ZNRF1: variants seen among roughly 807,000 people sequenced by gnomAD.
ZNRF1 encodes zinc and ring finger 1.
In ZNRF1, 3 loss-of-function variants were observed where a neutral mutation model predicts 18.4. The ratio of observed to expected loss-of-function variants is 0.16; its 90% confidence interval spans 0.07 to 0.42. The LOEUF is 0.42. Among genes scored for constraint, ZNRF1 ranks in the 10% least tolerant of loss-of-function variants. The pLI, the probability that ZNRF1 is intolerant of heterozygous loss-of-function variation, is 0.99. For missense variants in ZNRF1, 310 were observed against 329.8 expected (o/e 0.94, Z 0.47); for synonymous variants, 157 against 144.2 (o/e 1.09, Z -0.64).
At chr16:75,090,781 G>GA (rs1048582391) in intron 1 of ZNRF1, among the ~76,000 whole-genome samples, 1 of 152,096 alleles carries the variant, frequency 6.6e-6, no homozygotes, top group South Asian at 2.1e-4. Context: ...CCAATGAAGG[G>GA]AAAAAAAGAG....
intron 1 of ZNRF1, among the ~76,000 whole-genome samples, chr16:75,078,772 A>G (rs1193380975): frequency 1.3e-5 from 2 of 152,202 alleles, no homozygotes; most frequent in African/African-American, 2.4e-5. Context: ...TTTCATAAAC[A>G]TTTGTTTGTG....
At chr16:75,067,498 T>G (rs1208172977) in intron 1 of ZNRF1, among the ~76,000 whole-genome samples, 1 of 152,226 alleles carries the variant, frequency 6.6e-6, no homozygotes, top group Non-Finnish European at 1.5e-5. Flanking sequence ...AGAAATCTTA[T>G]TTTTAAATGC....
chr16:75,065,655 G>T (rs150773649), intron 1 of ZNRF1, among the ~76,000 whole-genome samples: 3 of 152,334 alleles, frequency 2.0e-5, no homozygotes, highest in Admixed American at 6.5e-5. Flanking sequence ...GCATGGGTGT[G>T]TACACTCAGA....
At chr16:75,102,692 C>G (rs2036267686) in intron 2 of ZNRF1, among the ~76,000 whole-genome samples, 1 of 152,204 alleles carries the variant, frequency 6.6e-6, no homozygotes, top group African/African-American at 2.4e-5. Context: ...ACATCCATGC[C>G]TGGCACCCAT....
chr16:75,086,053 C>G (rs1345192962), intron 1 of ZNRF1, among the ~76,000 whole-genome samples: 1 of 152,086 alleles, frequency 6.6e-6, no homozygotes, highest in Middle Eastern at 3.4e-3. Flanking sequence ...GTTAGGCAGA[C>G]AGAGAGTGAA....
intron 1 of ZNRF1, among the ~76,000 whole-genome samples, chr16:75,016,506 C>T (rs1281786077): frequency 6.6e-6 from 1 of 151,948 alleles, no homozygotes; most frequent in Non-Finnish European, 1.5e-5. Flanking sequence ...TTCCAAAGTG[C>T]TGGGATTACA....
intron 1 of ZNRF1, among the ~76,000 whole-genome samples, chr16:75,055,143 C>G (rs977720487): frequency 1.3e-5 from 2 of 152,206 alleles, no homozygotes; most frequent in African/African-American, 2.4e-5. Flanking sequence ...TGCATTGATG[C>G]AGGGAGTGAA....
In ZNRF1 at chr16:75,067,017, A is replaced by G. The variant is rs183702325; in HGVS notation, c.425-26555A>G. The stretch of plus-strand genomic sequence containing the variant: ...AAGCCTCTCTTGAGGTTGCAGTCAG[A>G]TGGTGGCTGTGGCTGCGACCATCTC... On this transcript the variant is annotated intron_variant, in intron 1 of 4. Transcript: ENST00000335325. 3.9e-5 allele frequency among the ~76,000 whole-genome samples: 6 copies of G among 152,258 alleles called. No individual in the cohort carries two copies. The East Asian group carries it at 9.6e-4, about 24-fold the overall frequency.
chr16:74,999,639 C>G lies in ZNRF1; in HGVS notation c.-33C>G. ...GAGAAGTGGGGGAGGGTCTCGGCCT[C>G]CAGGTTCCCGCCCCACCGGGGCCCG... On this transcript the variant is annotated 5_prime_UTR_variant, in exon 1 of 5. Transcript: ENST00000335325. 3.8e-6 allele frequency: 5 copies of G among 1,323,890 alleles called. No individual in the cohort carries two copies. Among genetic ancestry groups the G allele is most frequent in the Non-Finnish European group, 3.8e-6 (4 of 1,041,406 alleles). 82.0% of individuals were successfully genotyped at this position (1,323,890 alleles called of 1,614,324 possible).
At chr16:75,059,444 C>CA (rs991930418) in intron 1 of ZNRF1, among the ~76,000 whole-genome samples, 2 of 151,868 alleles carry the variant, frequency 1.3e-5, no homozygotes, top group African/African-American at 4.8e-5. Flanking sequence ...GACAGGGTTT[C>CA]ACCATGTTAG....
chr16:75,037,294 C>T (rs1278051326), intron 1 of ZNRF1, among the ~76,000 whole-genome samples: 2 of 152,036 alleles, frequency 1.3e-5, no homozygotes, highest in Non-Finnish European at 2.9e-5. Flanking sequence ...ACAAGGCAGC[C>T]GGGAAGTACT....
intron 1 of ZNRF1, among the ~76,000 whole-genome samples, chr16:75,069,011 C>T (rs959235103): frequency 2.0e-5 from 3 of 151,922 alleles, no homozygotes; most frequent in South Asian, 2.1e-4. Context: ...AGCTGATGCC[C>T]GAAGAACACC....
At chr16:75,090,513 A>G (rs888735699) in intron 1 of ZNRF1, among the ~76,000 whole-genome samples, 3 of 151,464 alleles carry the variant, frequency 2.0e-5, no homozygotes, top group Non-Finnish European at 2.9e-5. Flanking sequence ...CCACCACACC[A>G]GGCCTGGTCT....
chr16:75,016,014 G>A (rs2035062065), intron 1 of ZNRF1, among the ~76,000 whole-genome samples: 2 of 148,850 alleles, frequency 1.3e-5, no homozygotes, highest in South Asian at 2.1e-4. Flanking sequence ...TCCGCCTCCC[G>A]GGTTCATACC....
At chr16:75,096,078 G>GTA (rs2036196741) in intron 2 of ZNRF1, among the ~76,000 whole-genome samples, 1 of 144,488 alleles carries the variant, frequency 6.9e-6, no homozygotes, top group East Asian at 1.9e-4. Flanking sequence ...GTGTGTGTGT[G>GTA]TGTGTGTGTG....
In ZNRF1 at chr16:75,010,061, C is replaced by T. The variant is rs894870023; in HGVS notation, c.424+9966C>T. Among the ~76,000 whole-genome samples, 3 of 152,174 alleles carry T rather than the reference C, an allele frequency of 2.0e-5. No individual in the cohort carries two copies. In the South Asian group the frequency reaches 6.2e-4, roughly 32 times the overall value. On this transcript the variant is annotated intron_variant, in intron 1 of 4. Coordinates refer to ENST00000335325, the MANE Select transcript of ZNRF1 (RefSeq NM_032268.5). ...GCAGTGGTTCAGTCTCAGCTCACTACAACCTCTGCCCCCCGGGTTCAAGCG... is the reference window on the plus strand; with the variant it reads ...GCAGTGGTTCAGTCTCAGCTCACTATAACCTCTGCCCCCCGGGTTCAAGCG...
chr16:75,007,296 C>T lies in ZNRF1; in HGVS notation c.424+7201C>T, dbSNP rs139688026. On this transcript the variant is annotated intron_variant, in intron 1 of 4. Transcript: ENST00000335325. The stretch of plus-strand genomic sequence containing the variant: ...TCTTAAACTCCTGGGCTCAAGCGAT[C>T]CTCCTGCCTCAGCCTCCTAAAGTGC... 3.3e-3 allele frequency among the ~76,000 whole-genome samples: 508 copies of T among 152,154 alleles called. 2 individuals are homozygous for T. Among genetic ancestry groups the T allele is most frequent in the African/African-American group, 0.012 (489 of 41,512 alleles).
At chr16:75,085,242 C>T (rs978966380) in intron 1 of ZNRF1, among the ~76,000 whole-genome samples, 2 of 152,174 alleles carry the variant, frequency 1.3e-5, no homozygotes, top group Non-Finnish European at 2.9e-5. Context: ...CTGATTTCTT[C>T]CACAGTAGAT....
chr16:75,034,369 T>C (rs1377402719), intron 1 of ZNRF1, among the ~76,000 whole-genome samples: 2 of 152,210 alleles, frequency 1.3e-5, no homozygotes, highest in Non-Finnish European at 2.9e-5. Flanking sequence ...TAATAACTCA[T>C]ATAAGCAAAA....
Sources: gnomAD v4.1 joint callset for allele counts (sites outside exome capture counted in the v4.1 genomes callset) on GRCh38, gnomAD v4.1.1 for gene constraint, MANE v1.5 for transcripts, NCBI Gene and HGNC (gene_info 2026-07-23, HGNC 2026-07-21) for gene names.